SLC9A9: variants seen among roughly 807,000 people sequenced by gnomAD.
The protein encoded by SLC9A9 is sodium/hydrogen exchanger 9.
SLC9A9 carries 62 observed loss-of-function variants against 77.8 expected under a neutral mutation model. The observed-to-expected ratio is 0.80, with a 90% CI of 0.65 to 0.98. The LOEUF is 0.98. Among genes scored for constraint, SLC9A9 ranks in the 50% least tolerant of loss-of-function variants. The pLI is 0.00. For synonymous variants in SLC9A9, 320 were observed against 283.5 expected (o/e 1.13, Z -1.29); for missense variants, 775 against 774.9 (o/e 1.00, Z 0.00).
intron 14 of SLC9A9, among the ~76,000 whole-genome samples, chr3:143,348,977 T>C (rs2032378265): frequency 6.6e-6 from 1 of 152,238 alleles, no homozygotes; most frequent in South Asian, 2.1e-4. Flanking sequence ...GCTTTGTGAC[T>C]GCTGGGGTTC....
chr3:143,565,094 C>G (rs954145197), intron 8 of SLC9A9, among the ~76,000 whole-genome samples: 1 of 152,130 alleles, frequency 6.6e-6, no homozygotes, highest in Non-Finnish European at 1.5e-5. Flanking sequence ...AATCTCACCC[C>G]AGAAGTCCAG....
At chr3:143,694,304 G>A (rs374672054) in intron 4 of SLC9A9, among the ~76,000 whole-genome samples, 11 of 152,064 alleles carry the variant, frequency 7.2e-5, no homozygotes, top group African/African-American at 2.2e-4. Context: ...CAGACCTACC[G>A]GCATTTAAAT....
chr3:143,685,478 T>C (rs1028313590), intron 5 of SLC9A9, among the ~76,000 whole-genome samples: 8 of 152,190 alleles, frequency 5.3e-5, no homozygotes, highest in Non-Finnish European at 1.2e-4. Context: ...AATTATTTTC[T>C]AGTTTTGAAT....
intron 5 of SLC9A9, among the ~76,000 whole-genome samples, chr3:143,674,917 A>C (rs1440321761): frequency 6.6e-6 from 1 of 152,190 alleles, no homozygotes; most frequent in African/African-American, 2.4e-5. Flanking sequence ...CAAATATTTC[A>C]TTCAGTTTTT....
chr3:143,641,956 A>G (rs2038631062), intron 6 of SLC9A9, among the ~76,000 whole-genome samples: 1 of 152,284 alleles, frequency 6.6e-6, no homozygotes, highest in Non-Finnish European at 1.5e-5. Context: ...GTCATGCCTT[A>G]TTAGATTTAT....
At chr3:143,786,442 G>A (rs1378227492) in intron 4 of SLC9A9, among the ~76,000 whole-genome samples, 1 of 151,864 alleles carries the variant, frequency 6.6e-6, no homozygotes, top group African/African-American at 2.4e-5. Flanking sequence ...CAACATCTTC[G>A]AGGTTGTGAT....
chr3:143,829,959 A>C (rs1224072225), intron 2 of SLC9A9, among the ~76,000 whole-genome samples: 1 of 152,192 alleles, frequency 6.6e-6, no homozygotes, highest in Non-Finnish European at 1.5e-5. Context: ...TAAGAAACTC[A>C]AAGAAGGGGG....
chr3:143,528,719 G>T (rs944450495), intron 9 of SLC9A9, among the ~76,000 whole-genome samples: 2 of 151,898 alleles, frequency 1.3e-5, no homozygotes, highest in Non-Finnish European at 2.9e-5. Context: ...CAAGTAAAAA[G>T]TCCTAGAAGA....
At chr3:143,337,800 G>A (rs967899097) in intron 14 of SLC9A9, among the ~76,000 whole-genome samples, 2 of 152,198 alleles carry the variant, frequency 1.3e-5, no homozygotes, top group African/African-American at 2.4e-5. Context: ...GTAGCCTATG[G>A]TGACTTTGGC....
chr3:143,623,353 CAT>C (rs2038255970), intron 6 of SLC9A9, among the ~76,000 whole-genome samples: 4 of 152,178 alleles, frequency 2.6e-5, no homozygotes, highest in African/African-American at 9.7e-5. Flanking sequence ...AAATTGACCA[CAT>C]AGTTGGAAGT....
chr3:143,318,346 A>T (rs2031300151), intron 14 of SLC9A9, among the ~76,000 whole-genome samples: 1 of 152,232 alleles, frequency 6.6e-6, no homozygotes, highest in African/African-American at 2.4e-5. Flanking sequence ...TAAAATAGAT[A>T]AGCAAGTATT....
intron 14 of SLC9A9, among the ~76,000 whole-genome samples, chr3:143,280,676 C>T (rs1287075915): frequency 1.3e-5 from 2 of 151,672 alleles, no homozygotes; most frequent in African/African-American, 4.8e-5. Flanking sequence ...TCAGCCTCCC[C>T]AGTAGCTAGA....
At chr3:143,354,824 A>G (rs991817036) in intron 14 of SLC9A9, among the ~76,000 whole-genome samples, 4 of 152,262 alleles carry the variant, frequency 2.6e-5, no homozygotes, top group African/African-American at 7.2e-5. Flanking sequence ...AATCTTCAGT[A>G]TAACATCACA....
chr3:143,696,359 G>C (rs866539707), intron 4 of SLC9A9, among the ~76,000 whole-genome samples: 3 of 152,082 alleles, frequency 2.0e-5, no homozygotes, highest in Admixed American at 6.6e-5. Flanking sequence ...TATGTGTCAG[G>C]CTCCATGCTA....
At chr3:143,330,959 A>T (rs935072144) in intron 14 of SLC9A9, among the ~76,000 whole-genome samples, 2 of 152,242 alleles carry the variant, frequency 1.3e-5, no homozygotes, top group Admixed American at 1.3e-4. Context: ...AAATGAGTAA[A>T]TCACAAGGAA....
At chr3:143,828,074 A>G (rs2009344833) in intron 2 of SLC9A9, among the ~76,000 whole-genome samples, 1 of 152,224 alleles carries the variant, frequency 6.6e-6, no homozygotes, top group Non-Finnish European at 1.5e-5. Context: ...CTCAGGTCTC[A>G]GAATTAAGTG....
In SLC9A9 at chr3:143,265,879, C is replaced by T; in HGVS notation, c.*823G>A. On this transcript the variant is annotated 3_prime_UTR_variant, in exon 16 of 16. Transcript: ENST00000316549. ...CAGGCTGCAGAATCCTACCCTCCAG[C>T]ATATCGCGGGGAGGGGGGGACCTGC... is the stretch of plus-strand genomic sequence containing the variant. 3.3e-6 allele frequency: 2 copies of T among 606,048 alleles called. No individual in the cohort carries two copies. The highest frequency in any genetic ancestry group is 3.9e-5 in the South Asian group (2 of 51,762). The allele number at this position is 606,048 out of a possible 1,614,324, so 37.5% of individuals were successfully genotyped here. A position where few individuals can be genotyped will look rare whatever the true frequency, so the allele number is the denominator to read the frequency against.
At chr3:143,613,983 T>C (rs2038064648) in intron 6 of SLC9A9, among the ~76,000 whole-genome samples, 2 of 152,322 alleles carry the variant, frequency 1.3e-5, no homozygotes, top group African/African-American at 4.8e-5. Context: ...AATATTGAAC[T>C]TTCCTATCCA....
chr3:143,409,972 G>A (rs2034061071), intron 12 of SLC9A9, among the ~76,000 whole-genome samples: 1 of 152,188 alleles, frequency 6.6e-6, no homozygotes, highest in African/African-American at 2.4e-5. Context: ...CTGAGATTGT[G>A]TTTAACTACT....
Sources: allele counts gnomAD v4.1 joint callset (sites outside exome capture counted in the v4.1 genomes callset), GRCh38; gene constraint gnomAD v4.1.1; transcripts MANE v1.5; gene names NCBI Gene and HGNC (gene_info 2026-07-23, HGNC 2026-07-21).